The following TUT4 variants were observed in gnomAD, a reference collection of about 807,000 sequenced individuals.
TUT4 encodes terminal uridylyl transferase 4.
In TUT4, 36 loss-of-function variants were observed where a neutral mutation model predicts 192.2. The ratio of observed to expected loss-of-function variants is 0.19; its 90% CI spans 0.14 to 0.25. The LOEUF is 0.25. Among genes scored for constraint, TUT4 ranks in the 10% least tolerant of loss-of-function variants. The pLI is 1.00. For missense variants in TUT4, 1,493 were observed against 1,957.2 expected, an observed-to-expected ratio of 0.76 and a Z score of 4.47; for synonymous variants, 618 against 666.0, an observed-to-expected ratio of 0.93 and a Z score of 1.11.
chr1:52,446,666 A>T lies in TUT4; in HGVS notation c.3437T>A (p.Ile1146Asn). 6.2e-7 allele frequency: 1 copy of T among 1,600,270 alleles called. No individual in the cohort carries two copies. Among genetic ancestry groups the T allele is most frequent in the Non-Finnish European group, 8.5e-7 (1 of 1,175,394 alleles). The change falls in exon 21 of 30, where the codon ATC (isoleucine) becomes AAC (asparagine). Residue 1146 changes from isoleucine (I) to asparagine (N), a missense_variant and splice_region_variant. By Grantham distance (149) the Ile-to-Asn change is moderately radical (BLOSUM62 -3). Coordinates refer to ENST00000257177, the MANE Select transcript of TUT4 (RefSeq NM_001009881.3). ...KPPVIPVLQE[I>N]FDGKQIPQRM... ...CTGTGGAATCTGTTTTCCATCAAAG[A>T]TCTGCATAAAAAAATTAATTGTATT... is the stretch of plus-strand genomic sequence containing the variant.
chr1:52,438,408 G>A, intron 24 of TUT4, 73 bp from the exon 25 acceptor site: 1 of 977,136 alleles, frequency 1.0e-6, no homozygotes, highest in Non-Finnish European at 1.6e-6. Context: ...AGAAGACCAA[G>A]ATGCAAACAT....
At chr1:52,428,624 T>TAAAAA (rs772389695) in intron 28 of TUT4, among the ~76,000 whole-genome samples, 2 of 72,902 alleles carry the variant, frequency 2.7e-5, no homozygotes, top group Admixed American at 1.6e-4. Context: ...AGACTCCCTC[T>TAAAAA]AAAAAAAAAA....
intron 1 of TUT4, among the ~76,000 whole-genome samples, chr1:52,545,092 A>G (rs1687722655): frequency 6.8e-6 from 1 of 146,580 alleles, no homozygotes; most frequent in Non-Finnish European, 1.5e-5. Flanking sequence ...AAACAGAGTA[A>G]AGGCCAGGCA....
intron 20 of TUT4, among the ~76,000 whole-genome samples, chr1:52,457,436 A>G (rs1661300830): frequency 6.6e-6 from 1 of 151,816 alleles, no homozygotes; most frequent in South Asian, 2.1e-4. Context: ...GGGTTTCACC[A>G]TGTTGGCCAG....
At chr1:52,503,963 T>A (rs967042598) in intron 4 of TUT4, among the ~76,000 whole-genome samples, 2 of 152,188 alleles carry the variant, frequency 1.3e-5, no homozygotes, top group Non-Finnish European at 2.9e-5. Context: ...CAAACCTGAA[T>A]CTCCAACTGC....
chr1:52,472,684 T>G (rs1358867244), intron 13 of TUT4, among the ~76,000 whole-genome samples: 2 of 151,826 alleles, frequency 1.3e-5, no homozygotes, highest in African/African-American at 2.4e-5. Flanking sequence ...ATACGAAGAG[T>G]AACTTATCCA....
At chr1:52,443,592 A>G (rs561734019) in intron 24 of TUT4, among the ~76,000 whole-genome samples, 2 of 125,256 alleles carry the variant, frequency 1.6e-5, no homozygotes, top group Admixed American at 7.8e-5. Flanking sequence ...CTCCGTCTCA[A>G]AAAAAAAAAG....
chr1:52,525,456 G>A (rs1681500700), intron 2 of TUT4, 107 bp downstream of exon 2: 1 of 1,380,422 alleles, frequency 7.2e-7, no homozygotes, highest in Non-Finnish European at 9.6e-7. Flanking sequence ...GGGAACAAAA[G>A]TGCTAAACAA....
chr1:52,496,037 C>CACT (rs1421724267), intron 5 of TUT4, among the ~76,000 whole-genome samples: 1 of 152,068 alleles, frequency 6.6e-6, no homozygotes, highest in Non-Finnish European at 1.5e-5. Flanking sequence ...AGCAGTAACA[C>CACT]ACTACTTACA....
intron 1 of TUT4, among the ~76,000 whole-genome samples, chr1:52,530,043 A>C (rs1682926555): frequency 6.6e-6 from 1 of 152,072 alleles, no homozygotes; most frequent in Non-Finnish European, 1.5e-5. Context: ...GGATTTCGCT[A>C]TCTCACCCAG....
chr1:52,524,308 G>A lies in TUT4; in HGVS notation c.718+1255C>T, dbSNP rs965129153. On this transcript the variant is annotated intron_variant, in intron 2 of 29. Coordinates refer to ENST00000257177, the MANE Select transcript of TUT4 (RefSeq NM_001009881.3). ...CCCAGCACTTTGGGAGGCCGAGGCA[G>A]GCGGATCACGAGGTCAGGAGATTGA... 3.3e-5 allele frequency among the ~76,000 whole-genome samples: 5 copies of A among 152,320 alleles called. No homozygotes were observed. The South Asian group carries it at 1.0e-3, about 32-fold the overall frequency.
At chr1:52,538,163 G>A (rs1462349913) in intron 1 of TUT4, among the ~76,000 whole-genome samples, 1 of 152,140 alleles carries the variant, frequency 6.6e-6, no homozygotes, top group Non-Finnish European at 1.5e-5. Context: ...TTGAATCCAG[G>A]AGGTGGAGGT....
intron 19 of TUT4, among the ~76,000 whole-genome samples, chr1:52,460,266 G>T (rs980933296): frequency 1.3e-5 from 2 of 152,122 alleles, no homozygotes; most frequent in African/African-American, 4.8e-5. Context: ...AGGATCACTT[G>T]AGGTCAGGAG....
rs760903641 is a variant in TUT4, at chr1:52,481,865, A to G, written c.1574T>C (p.Met525Thr). The G allele has an allele frequency of 1.2e-6, 2 of 1,600,108 alleles. No individual in the cohort carries two copies. The highest frequency in any genetic ancestry group is 1.7e-6 in the Non-Finnish European group (2 of 1,176,590). ...GGIPSYCFAL[M>T]VMFFLQQRKP... ...TCTCTGTTGTAGAAAAAACATCACC[A>G]TTAAAGCAAAACAGTAAGAAGGGAT... The change falls in exon 10 of 30, where the codon ATG (methionine) becomes ACG (threonine). Residue 525 changes from methionine (M) to threonine (T), a missense_variant. Met to Thr is a moderately conservative substitution (Grantham distance 81). Transcript: ENST00000257177.
At chr1:52,478,203 C>T (rs1272864868) in intron 11 of TUT4, among the ~76,000 whole-genome samples, 2 of 152,222 alleles carry the variant, frequency 1.3e-5, no homozygotes, top group Non-Finnish European at 2.9e-5. Flanking sequence ...ATTCTGATAA[C>T]TGACTAGGCT....
intron 1 of TUT4, among the ~76,000 whole-genome samples, chr1:52,532,888 C>A (rs978896165): frequency 6.6e-6 from 1 of 152,152 alleles, no homozygotes; most frequent in East Asian, 1.9e-4. Context: ...TCTGATGTGG[C>A]CTTCTGATAA....
At chr1:52,495,382 T>G (rs749051708) in intron 6 of TUT4, 45 bp downstream of exon 6, 2 of 1,202,126 alleles carry the variant, frequency 1.7e-6, no homozygotes, top group Admixed American at 2.0e-5. Context: ...TAAAAATTAC[T>G]AAGTACTAGT....
At chr1:52,472,189 G>T in intron 13 of TUT4, 87 bp from the exon 14 acceptor site, 1 of 1,254,342 alleles carries the variant, frequency 8.0e-7, no homozygotes, top group Non-Finnish European at 1.1e-6. Flanking sequence ...AATCTTTTAT[G>T]TAACTCAGTT....
Position 52,481,896 on chromosome 1 carries a change from C to T in TUT4, c.1543G>A (p.Gly515Ser), listed in dbSNP as rs751210919. The T allele has an allele frequency of 6.3e-7, 1 of 1,591,668 alleles. No individual in the cohort carries two copies. The highest frequency in any genetic ancestry group is 8.5e-7 in the Non-Finnish European group (1 of 1,173,656). ...GCAAAACAGTAAGAAGGGATTCCAC[C>T]ATCAGTTTGGGAGTCAATATAGCAC... is the stretch of plus-strand genomic sequence containing the variant. Reference protein sequence around the residue: ...KLCYIDSQTDGGIPSYCFALM... With the variant: ...KLCYIDSQTDSGIPSYCFALM... The change falls in exon 10 of 30, where the codon GGT becomes AGT. Residue 515 changes from glycine (G) to serine (S), a missense_variant. Around this residue, in one of 7 missense-constraint regions of TUT4, gnomAD observed 437 missense variants for 577.6 expected, o/e 0.76. Transcript: ENST00000257177.
Sources: allele counts gnomAD v4.1 joint callset (sites outside exome capture counted in the v4.1 genomes callset), GRCh38; gene constraint gnomAD v4.1.1; regional missense constraint gnomAD v4.1.1; transcripts MANE v1.5; gene names NCBI Gene and HGNC (gene_info 2026-07-23, HGNC 2026-07-21).